Variants in OR51B5 observed in about 807,000 individuals in gnomAD.
OR51B5 encodes olfactory receptor 51B5.
For synonymous variants in OR51B5, 186 were observed against 144.8 expected, an observed-to-expected ratio of 1.28 and a Z score of -2.04; for missense variants, 456 against 374.6, an observed-to-expected ratio of 1.22 and a Z score of -1.79.
intron 1 of OR51B5, among the ~76,000 whole-genome samples, chr11:5,352,739 TACACATACATACATACTTAC>T (rs1301401607): frequency 6.6e-6 from 1 of 151,490 alleles, no homozygotes; most frequent in Non-Finnish European, 1.5e-5. Flanking sequence ...GCTGGCACCA[TACACATACATACATACTTAC>T]ACACATACAT....
intron 1 of OR51B5, among the ~76,000 whole-genome samples, chr11:5,415,145 G>T (rs1659458593): frequency 1.3e-5 from 2 of 152,002 alleles, no homozygotes; most frequent in Non-Finnish European, 2.9e-5. Context: ...TCAACTACAT[G>T]GAAACTGAAC....
At chr11:5,402,495 C>T (rs1849985894) in intron 1 of OR51B5, 3 of 356,500 alleles carry the variant, frequency 8.4e-6, no homozygotes, top group South Asian at 2.2e-5. Context: ...TTTTTTCTTC[C>T]CTTCCCTCAG....
chr11:5,481,438 A>T (rs1851418248), intron 1 of OR51B5, among the ~76,000 whole-genome samples: 1 of 110,522 alleles, frequency 9.0e-6, no homozygotes, highest in African/African-American at 3.7e-5. Flanking sequence ...ATTCCCTTTG[A>T]AAACTGGCAC....
intron 1 of OR51B5, among the ~76,000 whole-genome samples, chr11:5,364,547 GA>G (rs1172280542): frequency 1.3e-5 from 2 of 152,188 alleles, no homozygotes; most frequent in African/African-American, 4.8e-5. Flanking sequence ...GCTTTGAAGA[GA>G]GTAGGAGCTT....
intron 1 of OR51B5, among the ~76,000 whole-genome samples, chr11:5,483,514 AAAAAG>A (rs370964059): frequency 0.031 from 4,345 of 140,956 alleles, 97 homozygotes; most frequent in Middle Eastern, 0.058. Context: ...TAATTAAAAA[AAAAAG>A]AAAAGAAAAG....
rs757562875 is a variant in OR51B5 at position 5,423,116 on chromosome 11, T to G, written n.85-76206A>C. 1.0e-4 allele frequency: 162 copies of G among 1,604,896 alleles called. 1 individual carries two copies. Among genetic ancestry groups the G allele is most frequent in the Middle Eastern group, 3.3e-4 (2 of 6,056 alleles). ...GAACAAGCAGATCCAATGGGGAATG[T>G]TAAATTTCCTTTCCCTCAAAAATAT... On this transcript the variant is annotated intron_variant and non_coding_transcript_variant, in intron 1 of 4. Transcript: ENST00000415970.
rs2133678652 is a variant in OR51B5, at chr11:5,343,402, G to GCCATTGCCAA, written c.113_122dup (p.Thr42TrpfsTer10). The GCCATTGCCAA allele has an allele frequency of 6.2e-7, 1 of 1,612,876 alleles. No homozygotes were observed. The highest frequency in any genetic ancestry group is 2.2e-5 in the East Asian group (1 of 44,864). On this transcript the variant is annotated frameshift_variant, in exon 1 of 1. Coordinates refer to ENST00000300773, the Ensembl canonical transcript of OR51B5. LOFTEE classifies it low-confidence loss of function (END_TRUNC). ...CTTCCTTAATGAGAAGAAGGAGGGTGCCATTGCCAAAAAGGATGGATATAT... is the reference window on the plus strand; with the variant it reads ...CTTCCTTAATGAGAAGAAGGAGGGTGCCATTGCCAACCATTGCCAAAAAGGATGGATATAT...
chr11:5,448,660 T>C (rs1039075653), intron 1 of OR51B5, among the ~76,000 whole-genome samples: 13 of 152,160 alleles, frequency 8.5e-5, no homozygotes, highest in Admixed American at 1.3e-4. Context: ...AGAGTCAGCT[T>C]TATACATTTA....
intron 1 of OR51B5, among the ~76,000 whole-genome samples, chr11:5,472,498 C>G (rs1851243229): frequency 6.6e-6 from 1 of 152,128 alleles, no homozygotes; most frequent in Admixed American, 6.5e-5. Flanking sequence ...TCCACCCACT[C>G]CCTGCTCTGA....
At chr11:5,413,336 A>G (rs1850181533) in intron 1 of OR51B5, among the ~76,000 whole-genome samples, 1 of 152,058 alleles carries the variant, frequency 6.6e-6, no homozygotes, top group South Asian at 2.1e-4. Flanking sequence ...AAGATGGGGA[A>G]AAAACAGAGC....
At chr11:5,411,982 C>G (rs115694345) in intron 1 of OR51B5, among the ~76,000 whole-genome samples, 1,580 of 152,270 alleles carry the variant, frequency 0.01, 33 homozygotes, top group African/African-American at 0.036. Context: ...CCAGTGAGAT[C>G]TATTTCAGAT....
At chr11:5,477,303 C>A (rs532436844) in intron 1 of OR51B5, among the ~76,000 whole-genome samples, 6 of 152,114 alleles carry the variant, frequency 3.9e-5, no homozygotes, top group Admixed American at 1.3e-4. Flanking sequence ...AACACTTATC[C>A]CTTGAGATGA....
intron 1 of OR51B5, among the ~76,000 whole-genome samples, chr11:5,470,539 A>T (rs1851213999): frequency 6.6e-6 from 1 of 152,112 alleles, no homozygotes; most frequent in African/African-American, 2.4e-5. Flanking sequence ...CTCAATATGT[A>T]TTCACGCAGC....
chr11:5,494,173 T>C (rs988233556), intron 1 of OR51B5, among the ~76,000 whole-genome samples: 2 of 152,180 alleles, frequency 1.3e-5, no homozygotes, highest in Admixed American at 6.5e-5. Flanking sequence ...CAAATTAAAG[T>C]TTCTGGCTTT....
chr11:5,469,913 T>C (rs1270131921), intron 1 of OR51B5, among the ~76,000 whole-genome samples: 1 of 152,190 alleles, frequency 6.6e-6, no homozygotes, highest in Non-Finnish European at 1.5e-5. Flanking sequence ...CTCTCCTCTC[T>C]TGCCTATACT....
intron 1 of OR51B5, among the ~76,000 whole-genome samples, chr11:5,410,919 C>T (rs1212604986): frequency 1.4e-5 from 2 of 145,030 alleles, no homozygotes; most frequent in Non-Finnish European, 3.0e-5. Context: ...TTCTGTACCA[C>T]TGTACAATGC....
At chr11:5,477,927 G>A (rs1359457966) in intron 1 of OR51B5, among the ~76,000 whole-genome samples, 3 of 151,830 alleles carry the variant, frequency 2.0e-5, no homozygotes, top group Non-Finnish European at 4.4e-5. Flanking sequence ...CAGCAGGGAG[G>A]CTGGGGAGGG....
chr11:5,374,717 G>T (rs28819106), intron 1 of OR51B5, among the ~76,000 whole-genome samples: 16,825 of 152,176 alleles, frequency 0.11, 1,056 homozygotes, highest in South Asian at 0.15. Flanking sequence ...GCGATCAACT[G>T]GAAGAAAGGG....
intron 1 of OR51B5, among the ~76,000 whole-genome samples, chr11:5,494,948 C>T (rs964512904): frequency 6.6e-6 from 1 of 152,182 alleles, no homozygotes; most frequent in African/African-American, 2.4e-5. Context: ...ATATGGACAA[C>T]TCCAAACATA....
Sources: gnomAD v4.1 joint callset for allele counts (sites outside exome capture counted in the v4.1 genomes callset) on GRCh38, gnomAD v4.1.1 for gene constraint, MANE v1.5 for transcripts, NCBI Gene and HGNC (gene_info 2026-07-23, HGNC 2026-07-21) for gene names.